RAD9B: variants seen among roughly 807,000 people sequenced by gnomAD.
The protein encoded by RAD9B is cell cycle checkpoint control protein RAD9B.
In RAD9B, 41 loss-of-function variants were observed where a neutral mutation model predicts 48.3. That is an observed-to-expected ratio of 0.85 (90% CI 0.66 to 1.10). RAD9B has a LOEUF of 1.10. Ranked by LOEUF, RAD9B falls within the 50% of genes least tolerant of loss-of-function variation. The pLI is 0.00. For missense variants in RAD9B, 444 were observed against 485.1 expected (o/e 0.92, Z 0.80); for synonymous variants, 160 against 157.9 (o/e 1.01, Z -0.10).
Position 110,522,369 on chromosome 12 carries a change from C to T in RAD9B, c.1083C>T (p.Val361=), listed in dbSNP as rs1565898065. The change falls in exon 10 of 11, where the codon GTC becomes GTT. Residue 361 remains valine, a synonymous_variant. Coordinates refer to ENST00000409300, the MANE Select transcript of RAD9B (RefSeq NM_001286535.2). The part of the protein sequence containing the change: ...GDVSEVSESS[V]SNTEEVPGSL... ...TCAGTGAAGTATCAGAAAGCAGTGT[C>T]AGCAACACAGAGGAAGTGCCAGGGT... 1 of 1,612,980 alleles carries T rather than the reference C, an allele frequency of 6.2e-7. No individual in the cohort carries two copies.
intron 5 of RAD9B, among the ~76,000 whole-genome samples, chr12:110,514,235 C>T (rs971364180): frequency 2.0e-5 from 3 of 152,100 alleles, no homozygotes; most frequent in African/African-American, 7.2e-5. Context: ...AAACCAATGT[C>T]TAACATCAGA....
At chr12:110,519,417 TGTTG>T (rs2063707444) in intron 8 of RAD9B, among the ~76,000 whole-genome samples, 1 of 119,244 alleles carries the variant, frequency 8.4e-6, no homozygotes, top group Non-Finnish European at 1.8e-5. Context: ...TGTTTGTTGT[TGTTG>T]TTGTTGTTGT....
At chr12:110,511,429 A>G (rs1008266203) in intron 4 of RAD9B, 10 of 439,808 alleles carry the variant, frequency 2.3e-5, no homozygotes, top group African/African-American at 1.0e-4. Flanking sequence ...CATTTGCAGC[A>G]ACGTGGATGG....
chr12:110,527,191 C>A (rs978744693), intron 10 of RAD9B, among the ~76,000 whole-genome samples: 1 of 152,108 alleles, frequency 6.6e-6, no homozygotes, highest in African/African-American at 2.4e-5. Context: ...CTTTGTAGTT[C>A]TTTTCCAGCT....
chr12:110,507,113 G>A (rs951371611), intron 4 of RAD9B, among the ~76,000 whole-genome samples: 5 of 152,000 alleles, frequency 3.3e-5, no homozygotes, highest in Admixed American at 2.0e-4. Context: ...CAAAGTGCTG[G>A]GATGAGCCAC....
chr12:110,516,997 C>T (rs2063617989), intron 6 of RAD9B, among the ~76,000 whole-genome samples: 1 of 151,990 alleles, frequency 6.6e-6, no homozygotes, highest in Non-Finnish European at 1.5e-5. Context: ...CTTTAGATCT[C>T]ACAACAGGAG....
At chr12:110,505,495 G>A in intron 2 of RAD9B, 122 bp from the exon 3 acceptor site, 1 of 686,422 alleles carries the variant, frequency 1.5e-6, no homozygotes, top group Non-Finnish European at 2.2e-6. Context: ...TGGCCAGGCT[G>A]GTCTCAGACT....
intron 8 of RAD9B, 144 bp from the exon 9 acceptor site, chr12:110,519,649 TG>T (rs1317431365): frequency 2.7e-6 from 2 of 746,230 alleles, no homozygotes; most frequent in East Asian, 3.0e-5. Context: ...TTGGTCAGGC[TG>T]GTCTCAAACT....
chr12:110,522,514 A>C (rs745908176), intron 10 of RAD9B, 103 bp downstream of exon 10: 26 of 810,478 alleles, frequency 3.2e-5, no homozygotes, highest in Non-Finnish European at 4.9e-5. Flanking sequence ...CTGAAAATTG[A>C]TTTTCTTATT....
chr12:110,505,790 TG>T lies in RAD9B; in HGVS notation c.273+20del. On this transcript the variant is annotated intron_variant, in intron 3 of 10. Transcript: ENST00000409300. ...GAATGAAGGTAAATATAAGTGGCCC[TG>T]GTTTTCTCTTATTCTGTAGAAATAT... The T allele has an allele frequency of 6.2e-7, 1 of 1,602,870 alleles. No individual in the cohort carries two copies.
Position 110,531,924 on chromosome 12 carries a change from CT to C in RAD9B, c.*1274del. ...AAGTGTTAACTGGCAAGCAGTTGTA[CT>C]TTAGACTTTGTGAGAAATTCATAAA... On this transcript the variant is annotated 3_prime_UTR_variant, in exon 11 of 11. Coordinates refer to ENST00000409300, the MANE Select transcript of RAD9B (RefSeq NM_001286535.2). 3.0e-6 allele frequency: 1 copy of C among 338,946 alleles called. No homozygotes were observed. Among genetic ancestry groups the C allele is most frequent in the Non-Finnish European group, 5.3e-6 (1 of 187,440 alleles). The allele number at this position is 338,946 out of a possible 1,614,324, so 21.0% of individuals were successfully genotyped here. A position where few individuals can be genotyped will look rare whatever the true frequency, so the allele number is the denominator to read the frequency against.
intron 6 of RAD9B, among the ~76,000 whole-genome samples, chr12:110,517,840 T>C (rs1024451585): frequency 4.6e-5 from 7 of 151,746 alleles, no homozygotes; most frequent in East Asian, 1.9e-4. Flanking sequence ...CCAAGATATA[T>C]TGATATATTA....
At position 110,519,933 on chromosome 12, in the gene RAD9B, A is replaced by T; in HGVS notation, c.890+17A>T. 6.2e-7 allele frequency: 1 copy of T among 1,606,932 alleles called. No individual in the cohort carries two copies. The highest frequency in any genetic ancestry group is 2.2e-5 in the East Asian group (1 of 44,672). On this transcript the variant is annotated intron_variant, in intron 9 of 10. Transcript: ENST00000409300. ...ACGAAAAAGGTAAGACTGTGTTTTA[A>T]CTTCTTTATTACTTGGGACAAGCCA...
chr12:110,520,628 C>CTTTTTTTTTTTTTTTTTTTTTGTTTTTT (rs71083129), intron 9 of RAD9B, among the ~76,000 whole-genome samples: 6 of 99,966 alleles, frequency 6.0e-5, no homozygotes, highest in South Asian at 3.5e-4. Flanking sequence ...TTCTTGCTTT[C>CTTTTTTTTTTTTTTTTTTTTTGTTTTTT]TTTTTTTTTT....
chr12:110,503,713 C>A, intron 1 of RAD9B, 93 bp from the exon 2 acceptor site: 2 of 870,360 alleles, frequency 2.3e-6, no homozygotes, highest in South Asian at 1.5e-5. Context: ...TTTTGAATTT[C>A]TCTTGAGTCC....
chr12:110,503,289 G>A (rs1021974008), intron 1 of RAD9B: 1 of 154,704 alleles, frequency 6.5e-6, no homozygotes, highest in Non-Finnish European at 1.4e-5. Context: ...TGTCGTACGG[G>A]ATCAGACTAG....
At position 110,533,012 on chromosome 12, in the gene RAD9B, C is replaced by T. The variant is rs753745474; in HGVS notation, c.*2359C>T. On this transcript the variant is annotated 3_prime_UTR_variant, in exon 11 of 11. Coordinates refer to ENST00000409300, the MANE Select transcript of RAD9B (RefSeq NM_001286535.2). ...ATACTATACGGAAGGTGCAAAGCCT[C>T]AGCTGGGAAAAAGTTCTATAATTTA... Among the ~76,000 whole-genome samples the T allele has an allele frequency of 6.6e-6, 1 of 152,174 alleles. No individual in the cohort carries two copies. Among genetic ancestry groups the T allele is most frequent in the Non-Finnish European group, 1.5e-5 (1 of 68,022 alleles).
chr12:110,527,785 G>A (rs566087436), intron 10 of RAD9B, among the ~76,000 whole-genome samples: 1 of 152,350 alleles, frequency 6.6e-6, no homozygotes, highest in Admixed American at 6.5e-5. Flanking sequence ...GGTGCTTGGA[G>A]AAGATTTAAT....
Position 110,512,145 on chromosome 12 carries a change from T to G in RAD9B, c.389-634T>G, listed in dbSNP as rs552520209. ...CATGCGTGAGCCACCGTGCCTGGCC[T>G]TTTTTTTTTTTTTCTTTTTGAGACA... On this transcript the variant is annotated intron_variant, in intron 4 of 10. Transcript: ENST00000409300. Among the ~76,000 whole-genome samples, 59 of 105,968 alleles carry G rather than the reference T, an allele frequency of 5.6e-4. No homozygotes were observed. In the East Asian group the frequency reaches 0.016, roughly 29 times the overall value. The allele number at this position is 105,968 out of a possible 152,430, so 69.5% of individuals were successfully genotyped here.
Sources: allele counts gnomAD v4.1 joint callset (sites outside exome capture counted in the v4.1 genomes callset), GRCh38; gene constraint gnomAD v4.1.1; transcripts MANE v1.5; gene names NCBI Gene and HGNC (gene_info 2026-07-23, HGNC 2026-07-21).